The following CTSD variants were observed in gnomAD, a reference collection of about 807,000 sequenced individuals.
CTSD encodes cathepsin D, also known as ceroid-lipofuscinosis, neuronal 10.
CTSD carries 28 observed loss-of-function variants against 43.6 expected under a neutral mutation model. The ratio of observed to expected loss-of-function variants is 0.64; its 90% CI spans 0.48 to 0.88. The LOEUF is 0.88. Ranked by LOEUF, CTSD falls within the 40% of genes least tolerant of loss-of-function variation. The pLI is 0.00. For synonymous variants in CTSD, 270 were observed against 249.8 expected, an observed-to-expected ratio of 1.08 and a Z score of -0.76; for missense variants, 485 against 555.2, an observed-to-expected ratio of 0.87 and a Z score of 1.27.
intron 4 of CTSD, 106 bp from the exon 5 acceptor site, chr11:1,757,662 C>A: frequency 1.1e-6 from 1 of 927,458 alleles, no homozygotes; most frequent in Non-Finnish European, 1.7e-6. Flanking sequence ...ATCCCACACA[C>A]GATGGGGCCC....
chr11:1,755,686 G>C (rs570612329), intron 5 of CTSD, among the ~76,000 whole-genome samples: 1 of 152,296 alleles, frequency 6.6e-6, no homozygotes, highest in African/African-American at 2.4e-5. Context: ...TGGTAGAGAA[G>C]CTCTCTGTGT....
intron 6 of CTSD, among the ~76,000 whole-genome samples, chr11:1,754,412 A>AAGGGATGGAGGGGCATGGAGGGATGG (rs1313406358): frequency 2.2e-5 from 2 of 89,852 alleles, no homozygotes; most frequent in Non-Finnish European, 5.1e-5. Flanking sequence ...GGAGGGGATG[A>AAGGGATGGAGGGGCATGGAGGGATGG]AGGGATGGAG....
intron 1 of CTSD, chr11:1,761,997 T>G (rs1845884547): frequency 5.1e-6 from 1 of 195,542 alleles, no homozygotes; most frequent in African/African-American, 2.3e-5. Context: ...CTGGCAGCTC[T>G]GCCTGGCCTC....
chr11:1,757,317 C>G lies in CTSD; in HGVS notation c.704+7G>C. 2 of 1,611,252 alleles carry G rather than the reference C, an allele frequency of 1.2e-6. No homozygotes were observed. The highest frequency in any genetic ancestry group is 8.5e-7 in the Non-Finnish European group (1 of 1,178,074). ...AACGCGGAGCGAGAGGGAACCCACA[C>G]GCCCACCTGCTCAGGTAGAAGGAGA... is the stretch of plus-strand genomic sequence containing the variant. On this transcript the variant is annotated splice_region_variant and intron_variant, in intron 5 of 8. Coordinates refer to ENST00000236671, the MANE Select transcript of CTSD (RefSeq NM_001909.5).
At position 1,758,970 on chromosome 11, in the gene CTSD, G is replaced by T; in HGVS notation, c.470C>A (p.Ser157Ter). 6.2e-7 allele frequency: 1 copy of T among 1,604,308 alleles called. No homozygotes were observed. The highest frequency in any genetic ancestry group is 8.5e-7 in the Non-Finnish European group (1 of 1,171,190). Residue 157 changes from serine to a stop codon, truncating the protein, a stop_gained and splice_region_variant, in exon 4 of 9, where the codon TCG becomes TAG. Transcript: ENST00000236671. LOFTEE classifies it high-confidence loss of function. ...LSGYLSQDTVSVPCQSASSAS... is the reference protein window; with the variant it reads ...LSGYLSQDTV Reference sequence around the variant, plus strand: ...GGGAAAGGCCCCAGAGGGACTCACCGACACAGTGTCCTGGCTCAGGTACCC... The same window carrying T: ...GGGAAAGGCCCCAGAGGGACTCACCTACACAGTGTCCTGGCTCAGGTACCC...
intron 2 of CTSD, among the ~76,000 whole-genome samples, chr11:1,760,120 C>A (rs1443407895): frequency 6.6e-6 from 1 of 152,222 alleles, no homozygotes; most frequent in African/African-American, 2.4e-5. Context: ...GCCTGCCCTG[C>A]CCTCCAGGGT....
chr11:1,760,674 C>T, intron 2 of CTSD: 1 of 156,650 alleles, frequency 6.4e-6, no homozygotes, highest in East Asian at 1.9e-4. Flanking sequence ...CCCCCTGGCC[C>T]AGTCACATGC....
chr11:1,754,456 CAGAT>C (rs1198031071), intron 6 of CTSD, among the ~76,000 whole-genome samples: 1 of 71,274 alleles, frequency 1.4e-5, no homozygotes, highest in East Asian at 5.5e-4. Flanking sequence ...GAGGGATAGA[CAGAT>C]GGAGGGGATG....
Position 1,759,599 on chromosome 11 carries a change from TG to T in CTSD, c.268del (p.Gln90SerfsTer43), listed in dbSNP as rs752612332. 1 of 1,613,298 alleles carries T rather than the reference TG, an allele frequency of 6.2e-7. No individual in the cohort carries two copies. Among genetic ancestry groups the T allele is most frequent in the Non-Finnish European group, 8.5e-7 (1 of 1,179,918 alleles). ...CGTGTCGAAGACGACTGTGAAGCAC[TG>T]GGGGGGCGTCCCGATGCCAATCTCC... ...YGEIGIGTPP[Q>X]CFTVVFDTGS... is the part of the protein sequence containing the mutation. On this transcript the variant is annotated frameshift_variant, in exon 3 of 9. Coordinates refer to ENST00000236671, the MANE Select transcript of CTSD (RefSeq NM_001909.5). LOFTEE classifies it high-confidence loss of function.
intron 4 of CTSD, 44 bp downstream of exon 4, chr11:1,758,925 C>T (rs1845841008): frequency 2.1e-6 from 3 of 1,398,072 alleles, no homozygotes; most frequent in African/African-American, 2.8e-5. Context: ...GAACCCCACA[C>T]CCTGGCACCC....
At chr11:1,763,711 A>T in intron 1 of CTSD, 81 bp downstream of exon 1, 1 of 1,307,226 alleles carries the variant, frequency 7.6e-7, no homozygotes, top group Non-Finnish European at 1.0e-6. Flanking sequence ...GCCACAGGGG[A>T]GCGCGAAAGT....
intron 5 of CTSD, 40 bp from the exon 6 acceptor site, chr11:1,755,068 C>A: frequency 6.2e-7 from 1 of 1,612,774 alleles, no homozygotes; most frequent in South Asian, 1.1e-5. Flanking sequence ...ACGCCACCCC[C>A]CAAGCACAAG....
At chr11:1,763,758 G>A in intron 1 of CTSD, 34 bp downstream of exon 1, 1 of 1,513,714 alleles carries the variant, frequency 6.6e-7, no homozygotes, top group Middle Eastern at 2.3e-4. Flanking sequence ...CGCGACCCCT[G>A]CCCGTCCCTG....
At position 1,758,877 on chromosome 11, in the gene CTSD, A is replaced by G. The variant is rs1451130211; in HGVS notation, c.471+92T>C. On this transcript the variant is annotated intron_variant, in intron 4 of 8. Transcript: ENST00000236671. ...TGAGGGCTGGGGTTGGGCTGGGATC[A>G]CCGAGCCCTCCCTTTCAACCACATA... The G allele has an allele frequency of 1.0e-5, 10 of 958,600 alleles. No individual in the cohort carries two copies. In the African/African-American group the frequency reaches 1.6e-4, roughly 15 times the overall value. 59.4% of individuals were successfully genotyped at this position (958,600 alleles called of 1,614,324 possible). A position where few individuals can be genotyped will look rare whatever the true frequency, so the allele number is the denominator to read the frequency against.
At chr11:1,753,957 GCCAGCCCCAGCC>G (rs749749338) in intron 7 of CTSD, 25 bp downstream of exon 7, 16 of 1,608,192 alleles carry the variant, frequency 9.9e-6, no homozygotes, top group East Asian at 2.2e-5. Context: ...GGCTCCCCCT[GCCAGCCCCAGCC>G]CCAGCCCCAG....
chr11:1,760,916 GT>G, intron 2 of CTSD: 1 of 320,898 alleles, frequency 3.1e-6, no homozygotes, highest in South Asian at 2.6e-5. Context: ...AGGAGGGGCT[GT>G]TGCGAGAGGA....
chr11:1,753,448 C>T lies in CTSD; in HGVS notation c.*55G>A. On this transcript the variant is annotated 3_prime_UTR_variant, in exon 9 of 9. Transcript: ENST00000236671. ...TGGGAGGGGCCGCTGGGCCAGGGGC[C>T]TCCTGCTCTGGGACTCTCCTCTGTT... 6.2e-7 allele frequency: 1 copy of T among 1,606,384 alleles called. No homozygotes were observed. The highest frequency in any genetic ancestry group is 8.5e-7 in the Non-Finnish European group (1 of 1,174,254).
At chr11:1,758,513 C>G (rs11825269) in intron 4 of CTSD, among the ~76,000 whole-genome samples, 6 of 152,112 alleles carry the variant, frequency 3.9e-5, no homozygotes, top group Admixed American at 2.0e-4. Flanking sequence ...GCTGCTCCCC[C>G]TCCCTTGCCC....
rs1037951306 is a variant in CTSD, at chr11:1,760,957, G to A, written c.228+352C>T. On this transcript the variant is annotated intron_variant, in intron 2 of 8. Transcript: ENST00000236671. Reference sequence around the variant, plus strand: ...GATGGGGAGGGGCTGGGGAGGCCACGAGTCACCACAGGCCTCCCAGCAGGA... The same window carrying A: ...GATGGGGAGGGGCTGGGGAGGCCACAAGTCACCACAGGCCTCCCAGCAGGA... The A allele has an allele frequency of 3.9e-5, 14 of 358,426 alleles. No individual in the cohort carries two copies. In the Admixed American group the frequency reaches 4.7e-4, roughly 12 times the overall value. The allele number at this position is 358,426 out of a possible 1,614,324, so 22.2% of individuals were successfully genotyped here.
Sources: gnomAD v4.1 joint callset for allele counts (sites outside exome capture counted in the v4.1 genomes callset) on GRCh38, gnomAD v4.1.1 for gene constraint, MANE v1.5 for transcripts, NCBI Gene and HGNC (gene_info 2026-07-23, HGNC 2026-07-21) for gene names.